The following SLC8A1 variants were observed in gnomAD, a reference collection of about 807,000 sequenced individuals.
SLC8A1 encodes the protein sodium/calcium exchanger 1.
SLC8A1 carries 18 observed loss-of-function variants against 68.3 expected under a neutral mutation model. The ratio of observed to expected loss-of-function variants is 0.26; its 90% confidence interval spans 0.18 to 0.39. The LOEUF (loss-of-function observed/expected upper bound fraction) is 0.39. Among genes scored for constraint, SLC8A1 ranks in the 10% least tolerant of loss-of-function variants. The pLI is 1.00. For synonymous variants in SLC8A1, 475 were observed against 415.5 expected (o/e 1.14, Z -1.74); for missense variants, 985 against 1,156.7 (o/e 0.85, Z 2.15).
intron 2 of SLC8A1, among the ~76,000 whole-genome samples, chr2:40,352,122 C>T (rs1194161226): frequency 6.6e-6 from 1 of 152,068 alleles, no homozygotes; most frequent in Non-Finnish European, 1.5e-5. Flanking sequence ...ATTAATGCTT[C>T]GTATTTATCC....
At chr2:40,239,448 C>T (rs907851718) in intron 2 of SLC8A1, among the ~76,000 whole-genome samples, 1 of 152,144 alleles carries the variant, frequency 6.6e-6, no homozygotes, top group Non-Finnish European at 1.5e-5. Flanking sequence ...CCTAAAGGAC[C>T]TCTATTTCAA....
intron 2 of SLC8A1, among the ~76,000 whole-genome samples, chr2:40,225,286 G>C (rs1292918783): frequency 1.3e-5 from 2 of 152,110 alleles, no homozygotes; most frequent in Non-Finnish European, 2.9e-5. Context: ...TATTTGTATA[G>C]TGGAAATGAT....
chr2:40,418,049 A>C (rs1175792998), intron 2 of SLC8A1, among the ~76,000 whole-genome samples: 1 of 152,132 alleles, frequency 6.6e-6, no homozygotes. Context: ...AAAAGAATAT[A>C]GTTTACAATA....
At chr2:40,437,406 G>A (rs13031785) in intron 1 of SLC8A1, among the ~76,000 whole-genome samples, 7,428 of 152,074 alleles carry the variant, frequency 0.049, 350 homozygotes, top group East Asian at 0.25. Flanking sequence ...ACTTCTATTC[G>A]TCACATAGCA....
At chr2:40,194,468 AATGTGTGT>A (rs1242641254) in intron 2 of SLC8A1, among the ~76,000 whole-genome samples, 22 of 126,636 alleles carry the variant, frequency 1.7e-4, no homozygotes, top group Non-Finnish European at 2.5e-4. Context: ...CTCAGTAAGC[AATGTGTGT>A]GTGTGTGTGT....
chr2:40,139,392 A>G lies in SLC8A1; in HGVS notation c.2437+9T>C. ...TACTGGGGGAATTATACATGAATGT[A>G]ATTTGTACCTGGCACTGATGTTCCA... is the stretch of plus-strand genomic sequence containing the variant. On this transcript the variant is annotated intron_variant, in intron 7 of 7. Transcript: ENST00000406785. 6.2e-7 allele frequency: 1 copy of G among 1,613,860 alleles called. No individual in the cohort carries two copies. The highest frequency in any genetic ancestry group is 8.5e-7 in the Non-Finnish European group (1 of 1,179,816).
intron 2 of SLC8A1, among the ~76,000 whole-genome samples, chr2:40,314,917 T>C (rs61608794): frequency 0.066 from 9,984 of 152,080 alleles, 1,055 homozygotes; most frequent in African/African-American, 0.23. Flanking sequence ...GATTTTTATA[T>C]AAATAATCAT....
chr2:40,376,522 C>T (rs1420807062), intron 2 of SLC8A1, among the ~76,000 whole-genome samples: 1 of 151,988 alleles, frequency 6.6e-6, no homozygotes, highest in East Asian at 1.9e-4. Flanking sequence ...CTGACATTTA[C>T]CTCATAAGCA....
At chr2:40,409,716 C>T (rs1026093382) in intron 2 of SLC8A1, among the ~76,000 whole-genome samples, 2 of 152,116 alleles carry the variant, frequency 1.3e-5, no homozygotes, top group African/African-American at 2.4e-5. Flanking sequence ...CAGTAGAAAT[C>T]ATCTTGCTCA....
chr2:40,456,387 C>T (rs1203065413), upstream of SLC8A1, among the ~76,000 whole-genome samples: 4 of 151,100 alleles, frequency 2.6e-5, no homozygotes, highest in Admixed American at 2.6e-4. Flanking sequence ...TTCATTTCTG[C>T]CCCTTATTAA....
At chr2:40,172,298 T>G (rs1261702716) in intron 4 of SLC8A1, among the ~76,000 whole-genome samples, 1 of 152,210 alleles carries the variant, frequency 6.6e-6, no homozygotes, top group Non-Finnish European at 1.5e-5. Context: ...AAAGTAGGAA[T>G]GGACAGGCCA....
rs2066868427 is a variant in SLC8A1 at position 40,277,449 on chromosome 2, A to C, written c.1809-99594T>G. 3.9e-5 allele frequency among the ~76,000 whole-genome samples: 6 copies of C among 152,216 alleles called. No individual in the cohort carries two copies. The South Asian group carries it at 1.2e-3, about 32-fold the overall frequency. On this transcript the variant is annotated intron_variant, in intron 2 of 7. Transcript: ENST00000406785. ...CAGCTATTCAGGAGGCTGAGGCAGG[A>C]GAATCACTTGAACCTCGGAGGCAGA...
chr2:40,112,704 A>G (rs988235927), exon 8 of SLC8A1: 9 of 152,634 alleles, frequency 5.9e-5, no homozygotes, highest in Non-Finnish European at 1.2e-4. Flanking sequence ...AGAATGACAA[A>G]GAATTGTAAA....
intron 2 of SLC8A1, among the ~76,000 whole-genome samples, chr2:40,419,939 A>C (rs560140235): frequency 6.6e-6 from 1 of 152,282 alleles, no homozygotes; most frequent in South Asian, 2.1e-4. Flanking sequence ...GCAAAAGGTA[A>C]AAAATTTAAT....
At chr2:40,384,830 A>T (rs1683049351) in intron 2 of SLC8A1, among the ~76,000 whole-genome samples, 1 of 152,002 alleles carries the variant, frequency 6.6e-6, no homozygotes, top group South Asian at 2.1e-4. Context: ...TTTATCTTCT[A>T]TTGCAATTAT....
chr2:40,155,675 C>T (rs553394666), intron 6 of SLC8A1, among the ~76,000 whole-genome samples: 116 of 152,278 alleles, frequency 7.6e-4, no homozygotes, highest in African/African-American at 2.8e-3. Flanking sequence ...CAGGGGACCA[C>T]TGAGTTGACA....
chr2:40,469,842 A>G (rs1241582362), intron 1 of SLC8A1, among the ~76,000 whole-genome samples: 1 of 152,124 alleles, frequency 6.6e-6, no homozygotes, highest in Non-Finnish European at 1.5e-5. Context: ...AAAATTGTCA[A>G]TGTGTTCAGG....
chr2:40,250,183 T>C (rs1443629464), intron 2 of SLC8A1: 1 of 152,210 alleles, frequency 6.6e-6, no homozygotes, highest in Non-Finnish European at 1.5e-5. Flanking sequence ...TACTATTTTA[T>C]AATTTGGGGG....
chr2:40,381,257 C>T (rs1681685662), intron 2 of SLC8A1, among the ~76,000 whole-genome samples: 1 of 151,994 alleles, frequency 6.6e-6, no homozygotes, highest in Non-Finnish European at 1.5e-5. Flanking sequence ...TCCAGGGAGC[C>T]TTTCCCAATC....
Sources: allele counts gnomAD v4.1 joint callset (sites outside exome capture counted in the v4.1 genomes callset), GRCh38; gene constraint gnomAD v4.1.1; transcripts MANE v1.5; gene names NCBI Gene and HGNC (gene_info 2026-07-23, HGNC 2026-07-21).